The following RGS6 variants were observed in gnomAD, a reference collection of about 807,000 sequenced individuals.
RGS6 encodes regulator of G-protein signaling 6.
Under a neutral mutation model 78.5 loss-of-function variants are expected in RGS6, and 30 were observed. The observed-to-expected ratio is 0.38, with a 90% confidence interval of 0.29 to 0.52. The LOEUF (loss-of-function observed/expected upper bound fraction) is 0.52, where lower values mean the gene tolerates loss of function less well. Ranked by LOEUF, RGS6 falls within the 20% of genes least tolerant of loss-of-function variation. The pLI is 0.85. For missense variants in RGS6, 495 were observed against 609.7 expected, an observed-to-expected ratio of 0.81 and a Z score of 1.98; for synonymous variants, 206 against 206.0, an observed-to-expected ratio of 1.00 and a Z score of 0.00.
chr14:72,146,264 T>G (rs10142058), intron 2 of RGS6, among the ~76,000 whole-genome samples: 48,122 of 152,070 alleles, frequency 0.32, 7,726 homozygotes, highest in Middle Eastern at 0.37. Context: ...GTTCTACCTC[T>G]CAACACTCTT....
the RGS6 span, among the ~76,000 whole-genome samples, chr14:72,597,311 G>C: frequency 6.6e-6 from 1 of 152,132 alleles, no homozygotes; most frequent in Admixed American, 6.5e-5. Flanking sequence ...ATTTGTTTTT[G>C]AATATTATAA....
the RGS6 span, among the ~76,000 whole-genome samples, chr14:72,598,429 C>CA: frequency 6.6e-6 from 1 of 152,344 alleles, no homozygotes; most frequent in African/African-American, 2.4e-5. Flanking sequence ...GGAGCTCTTC[C>CA]AGCAGCACCT....
chr14:72,140,143 G>C (rs1567293575), intron 2 of RGS6, among the ~76,000 whole-genome samples: 3 of 152,152 alleles, frequency 2.0e-5, no homozygotes, highest in Non-Finnish European at 2.9e-5. Flanking sequence ...CCCAGGAAAT[G>C]TGCATGGTTT....
intron 2 of RGS6, among the ~76,000 whole-genome samples, chr14:72,334,922 G>C (rs2075756269): frequency 6.6e-6 from 1 of 152,100 alleles, no homozygotes; most frequent in Non-Finnish European, 1.5e-5. Flanking sequence ...CTCTGATATG[G>C]TTTGGCTGTG....
intron 2 of RGS6, among the ~76,000 whole-genome samples, chr14:71,993,850 A>C (rs2095076059): frequency 6.6e-6 from 1 of 152,014 alleles, no homozygotes; most frequent in South Asian, 2.1e-4. Flanking sequence ...GAAGAGCACG[A>C]GGGGGTAGCT....
intron 2 of RGS6, among the ~76,000 whole-genome samples, chr14:72,305,383 G>A (rs1183582830): frequency 6.6e-6 from 1 of 152,144 alleles, no homozygotes; most frequent in Admixed American, 6.5e-5. Flanking sequence ...GTGATTCACA[G>A]ATATCACATT....
At chr14:72,590,551 G>T in the RGS6 span, among the ~76,000 whole-genome samples, 66,812 of 152,132 alleles carry the variant, frequency 0.44, 15,199 homozygotes, top group African/African-American at 0.49. Flanking sequence ...TCCCTTTATA[G>T]GAAATTCTGG....
chr14:72,466,363 CA>C (rs2095912270), intron 7 of RGS6, among the ~76,000 whole-genome samples: 1 of 152,194 alleles, frequency 6.6e-6, no homozygotes, highest in African/African-American at 2.4e-5. Flanking sequence ...ACCATATAAC[CA>C]AGCAATCCCA....
chr14:72,346,877 G>A (rs940899062), intron 2 of RGS6, among the ~76,000 whole-genome samples: 2 of 152,188 alleles, frequency 1.3e-5, no homozygotes, highest in Non-Finnish European at 2.9e-5. Context: ...TCAGTGAATT[G>A]TGTCTATCTT....
intron 2 of RGS6, among the ~76,000 whole-genome samples, chr14:72,065,311 A>G (rs954618718): frequency 1.3e-5 from 2 of 152,320 alleles, no homozygotes; most frequent in Admixed American, 1.3e-4. Context: ...GTTTTTGTCA[A>G]GTGGTTTACA....
At chr14:72,626,092 C>T in the RGS6 span, among the ~76,000 whole-genome samples, 24 of 152,244 alleles carry the variant, frequency 1.6e-4, no homozygotes, top group African/African-American at 2.9e-4. Flanking sequence ...TATCTATTTA[C>T]GTTATACTGT....
chr14:72,602,050 C>T, the RGS6 span, among the ~76,000 whole-genome samples: 222 of 152,320 alleles, frequency 1.5e-3, no homozygotes, highest in African/African-American at 5.2e-3. Flanking sequence ...GTACCAGATA[C>T]GGGGCCAAGG....
intron 3 of RGS6, among the ~76,000 whole-genome samples, chr14:72,444,701 C>A (rs1421925282): frequency 5.6e-5 from 2 of 35,620 alleles, no homozygotes; most frequent in Non-Finnish European, 1.1e-4. Flanking sequence ...CTGTGGGTCA[C>A]CACGGGGTGC....
intron 2 of RGS6, among the ~76,000 whole-genome samples, chr14:71,992,248 G>T (rs1196192590): frequency 2.0e-5 from 3 of 152,192 alleles, no homozygotes; most frequent in Non-Finnish European, 4.4e-5. Flanking sequence ...GGCCAGGCTG[G>T]TCTTGAACTC....
chr14:72,052,986 TCTC>T (rs2093371755), intron 2 of RGS6, among the ~76,000 whole-genome samples: 1 of 61,818 alleles, frequency 1.6e-5, no homozygotes. Flanking sequence ...TCTTTCTTTC[TCTC>T]TCTCTCTCTC....
chr14:72,279,241 G>A (rs2061199653), intron 2 of RGS6, among the ~76,000 whole-genome samples: 1 of 151,946 alleles, frequency 6.6e-6, no homozygotes, highest in South Asian at 2.1e-4. Context: ...AGTTCTTGCT[G>A]CCTCTGACCT....
the RGS6 span, among the ~76,000 whole-genome samples, chr14:71,871,927 C>T: frequency 1.3e-5 from 2 of 151,796 alleles, no homozygotes; most frequent in African/African-American, 2.4e-5. Context: ...AAACCTCCAA[C>T]ATCGATTTCC....
At chr14:72,209,118 G>T (rs2043399779) in intron 2 of RGS6, among the ~76,000 whole-genome samples, 1 of 152,134 alleles carries the variant, frequency 6.6e-6, no homozygotes, top group Non-Finnish European at 1.5e-5. Context: ...GCACACGACT[G>T]TGGTCCCAGA....
intron 2 of RGS6, among the ~76,000 whole-genome samples, chr14:72,101,063 GTGGGAGGATCACCTGAGCC>G (rs1384285909): frequency 6.6e-6 from 1 of 152,164 alleles, no homozygotes; most frequent in Non-Finnish European, 1.5e-5. Context: ...GGAGGCTGAG[GTGGGAGGATCACCTGAGCC>G]TGGGAGGATC....
Sources: allele counts gnomAD v4.1 joint callset (sites outside exome capture counted in the v4.1 genomes callset), GRCh38; gene constraint gnomAD v4.1.1; transcripts MANE v1.5; gene names NCBI Gene and HGNC (gene_info 2026-07-23, HGNC 2026-07-21).